Variants in ZNF831 observed in about 807,000 individuals in gnomAD.
ZNF831 encodes chromosome 20 open reading frame 174.
ZNF831 carries 59 observed loss-of-function variants against 95.8 expected under a neutral mutation model. The observed-to-expected ratio is 0.62, with a 90% confidence interval of 0.50 to 0.77. ZNF831 has a LOEUF of 0.77. Among genes scored for constraint, ZNF831 ranks in the 30% least tolerant of loss-of-function variants. The probability of loss-of-function intolerance (pLI) is 0.00; values close to 1 mark genes in which losing one functional copy is unlikely to be tolerated. For missense variants in ZNF831, 2,205 were observed against 2,164.0 expected, an observed-to-expected ratio of 1.02 and a Z score of -0.38; for synonymous variants, 961 against 925.5, an observed-to-expected ratio of 1.04 and a Z score of -0.70.
rs531742236 is a variant in ZNF831, at chr20:59,221,551, T to C, written c.4027+14495T>C. Among the ~76,000 whole-genome samples the C allele has an allele frequency of 7.2e-5, 11 of 152,210 alleles. No individual in the cohort carries two copies. The South Asian group carries it at 8.3e-4, about 11-fold the overall frequency. On this transcript the variant is annotated intron_variant, in intron 4 of 5. Coordinates refer to ENST00000371030, the MANE Select transcript of ZNF831 (RefSeq NM_178457.3). ...GCTTCCTGCAGTAGCATTTTGAGAG[T>C]TTCCTCCAAATGTTTTTCCTCATCT...
intron 4 of ZNF831, among the ~76,000 whole-genome samples, chr20:59,241,199 T>C (rs1006131778): frequency 6.6e-6 from 1 of 152,210 alleles, no homozygotes; most frequent in Non-Finnish European, 1.5e-5. Flanking sequence ...GCTTCCAAGT[T>C]ACATGCGACC....
intron 2 of ZNF831, among the ~76,000 whole-genome samples, chr20:59,152,257 C>T (rs707560): frequency 6.6e-6 from 1 of 152,158 alleles, no homozygotes; most frequent in East Asian, 1.9e-4. Context: ...CAATGTAAGA[C>T]AGGCATAAAT....
At chr20:59,245,445 A>G (rs2146736054) in intron 4 of ZNF831, among the ~76,000 whole-genome samples, 1 of 152,234 alleles carries the variant, frequency 6.6e-6, no homozygotes, top group South Asian at 2.1e-4. Flanking sequence ...TGGCTCCTGT[A>G]GCATTTGAGT....
In ZNF831 at chr20:59,191,061, G is replaced by A. The variant is rs780058911; in HGVS notation, c.42G>A (p.Arg14=). ...PEPTCPAPPA[R]DQPAPTPGPP... ...CCACCTGCCCTGCCCCTCCTGCGAG[G>A]GACCAGCCAGCTCCCACTCCTGGCC... The change falls in exon 2 of 6, where the codon AGG becomes AGA. Residue 14 remains arginine, a synonymous_variant. Coordinates refer to ENST00000371030, the MANE Select transcript of ZNF831 (RefSeq NM_178457.3). The A allele has an allele frequency of 1.3e-5, 20 of 1,505,484 alleles. No homozygotes were observed. The highest frequency in any genetic ancestry group is 4.0e-5 in the South Asian group (3 of 75,508). 93.3% of individuals were successfully genotyped at this position (1,505,484 alleles called of 1,614,324 possible).
intron 3 of ZNF831, among the ~76,000 whole-genome samples, chr20:59,203,190 T>G (rs1204826783): frequency 6.6e-6 from 1 of 152,230 alleles, no homozygotes; most frequent in East Asian, 1.9e-4. Context: ...TGTTTTCTTC[T>G]TGTATGAATT....
chr20:59,246,899 C>T (rs1393824141), intron 4 of ZNF831, among the ~76,000 whole-genome samples: 1 of 152,216 alleles, frequency 6.6e-6, no homozygotes, highest in African/African-American at 2.4e-5. Flanking sequence ...GGAGCTGCTT[C>T]TCACTGCTCA....
chr20:59,229,639 G>A (rs1207360456), intron 4 of ZNF831, among the ~76,000 whole-genome samples: 2 of 152,118 alleles, frequency 1.3e-5, no homozygotes, highest in African/African-American at 4.8e-5. Flanking sequence ...ATATAACAAG[G>A]CGTCTGGGTA....
At chr20:59,135,327 C>T (rs2146439351) in intron 1 of ZNF831, among the ~76,000 whole-genome samples, 1 of 152,256 alleles carries the variant, frequency 6.6e-6, no homozygotes, top group East Asian at 1.9e-4. Context: ...CAACTCATGC[C>T]TGGAATCCCA....
At chr20:59,199,899 G>C (rs913958496) in intron 3 of ZNF831, among the ~76,000 whole-genome samples, 3 of 151,886 alleles carry the variant, frequency 2.0e-5, no homozygotes, top group Non-Finnish European at 4.4e-5. Context: ...TCCTTTATTA[G>C]AGAAGGAAAT....
At chr20:59,204,568 G>A (rs923160639) in intron 3 of ZNF831, among the ~76,000 whole-genome samples, 1 of 152,166 alleles carries the variant, frequency 6.6e-6, no homozygotes, top group East Asian at 1.9e-4. Context: ...GGAAAGTGAG[G>A]GAAATAGCAC....
chr20:59,235,906 C>T (rs1312023431), intron 4 of ZNF831, among the ~76,000 whole-genome samples: 1 of 152,208 alleles, frequency 6.6e-6, no homozygotes, highest in Non-Finnish European at 1.5e-5. Flanking sequence ...GAAAGACAGA[C>T]AGCCTTGGGT....
intron 1 of ZNF831, among the ~76,000 whole-genome samples, chr20:59,168,121 C>G (rs888373743): frequency 6.6e-6 from 1 of 152,202 alleles, no homozygotes; most frequent in Non-Finnish European, 1.5e-5. Flanking sequence ...TCTATGCCCA[C>G]AAAAATATCT....
intron 4 of ZNF831, among the ~76,000 whole-genome samples, chr20:59,240,527 C>T (rs1987266692): frequency 6.6e-6 from 1 of 152,028 alleles, no homozygotes; most frequent in Non-Finnish European, 1.5e-5. Flanking sequence ...AGGGGCCGGG[C>T]GCGGTGGCTC....
At chr20:59,172,856 G>C (rs755994330) in intron 1 of ZNF831, among the ~76,000 whole-genome samples, 29 of 152,170 alleles carry the variant, frequency 1.9e-4, no homozygotes, top group Non-Finnish European at 3.2e-4. Context: ...ATGTTCCCTA[G>C]GATTCTGCTG....
In ZNF831 at chr20:59,169,851, G is replaced by C. The variant is rs990469495; in HGVS notation, c.-37+5644G>C. Among the ~76,000 whole-genome samples, 4 of 151,906 alleles carry C rather than the reference G, an allele frequency of 2.6e-5. No homozygotes were observed. Among genetic ancestry groups the C allele is most frequent in the African/African-American group, 9.7e-5 (4 of 41,340 alleles). On this transcript the variant is annotated intron_variant, in intron 1 of 5. Transcript: ENST00000371030. This position sits in a 1 kb window ranked among gnomAD's most constrained non-coding sequence, Gnocchi z 4.1. ...GGAGGCAGAGGTTGCAGTGAGCCAA[G>C]ATCATGCCACTTCACTCTAGCCTGG...
rs1988288095 is a variant in ZNF831, at chr20:59,258,682, GGC to G, written c.*3940_*3941del. 3 of 152,174 alleles carry G rather than the reference GGC, an allele frequency of 2.0e-5. No individual in the cohort carries two copies. Among genetic ancestry groups the G allele is most frequent in the Non-Finnish European group, 4.4e-5 (3 of 68,026 alleles). 9.4% of individuals were successfully genotyped at this position (152,174 alleles called of 1,614,324 possible). On this transcript the variant is annotated 3_prime_UTR_variant, in exon 6 of 6. Transcript: ENST00000371030. ...CATAGTTCATGTAGGGAGGCACTTT[GGC>G]TTTTGAAACACTACATTTCTCAATA...
chr20:59,247,544 A>G (rs572795210), intron 4 of ZNF831, among the ~76,000 whole-genome samples: 1 of 152,334 alleles, frequency 6.6e-6, no homozygotes, highest in East Asian at 1.9e-4. Flanking sequence ...ACTGTCCACA[A>G]AGTTATTACT....
chr20:59,128,896 G>T (rs1979261225), intron 1 of ZNF831, among the ~76,000 whole-genome samples: 1 of 152,164 alleles, frequency 6.6e-6, no homozygotes, highest in South Asian at 2.1e-4. Flanking sequence ...TGAGTAGCTG[G>T]TATTATAGGC....
intron 2 of ZNF831, among the ~76,000 whole-genome samples, chr20:59,157,993 G>A (rs1210169616): frequency 6.6e-6 from 1 of 152,186 alleles, no homozygotes; most frequent in African/African-American, 2.4e-5. Context: ...TACAAAAACA[G>A]TGGGTGACAC....
Sources: allele counts gnomAD v4.1 joint callset (sites outside exome capture counted in the v4.1 genomes callset), GRCh38; gene constraint gnomAD v4.1.1; non-coding constraint Gnocchi (gnomAD v3.1); transcripts MANE v1.5; gene names NCBI Gene and HGNC (gene_info 2026-07-23, HGNC 2026-07-21).